Variants in ARHGEF11 observed in about 807,000 individuals in gnomAD.
ARHGEF11 encodes Rho guanine nucleotide exchange factor 11.
In ARHGEF11, 55 loss-of-function variants were observed where a neutral mutation model predicts 193.7. The ratio of observed to expected loss-of-function variants is 0.28; its 90% CI spans 0.23 to 0.36. The LOEUF is 0.36. Ranked by LOEUF, ARHGEF11 falls within the 10% of genes least tolerant of loss-of-function variation. The pLI, the probability that ARHGEF11 is intolerant of heterozygous loss-of-function variation, is 1.00. For missense variants in ARHGEF11, 1,723 were observed against 2,005.6 expected (o/e 0.86, Z 2.69); for synonymous variants, 693 against 768.0 (o/e 0.90, Z 1.62).
intron 1 of ARHGEF11, among the ~76,000 whole-genome samples, chr1:157,024,126 C>T (rs977891817): frequency 2.6e-4 from 39 of 152,254 alleles, no homozygotes; most frequent in Admixed American, 9.8e-4. Context: ...TTGATACATG[C>T]TACACCACAA....
rs369816619 is a variant in ARHGEF11, at chr1:156,956,278, G to C, written c.1671+142C>G. 52 of 831,158 alleles carry C rather than the reference G, an allele frequency of 6.3e-5. No homozygotes were observed. In the African/African-American group the frequency reaches 7.5e-4, roughly 12 times the overall value. The allele number at this position is 831,158 out of a possible 1,614,324, so 51.5% of individuals were successfully genotyped here. A position where few individuals can be genotyped will look rare whatever the true frequency, so the allele number is the denominator to read the frequency against. On this transcript the variant is annotated intron_variant, in intron 19 of 40. Transcript: ENST00000368194. ...GTTATAGGCATGCACCACTATGCTG[G>C]ACTAATTTTTGTATTTTAATAGAGA...
Position 156,948,055 on chromosome 1 carries a change from T to A in ARHGEF11, c.2154-99A>T. The stretch of plus-strand genomic sequence containing the variant: ...GCCCGACCTGCTTGCCCCATGCACA[T>A]GGGAAACCAGTGGGCCCAGAAGAGG... On this transcript the variant is annotated intron_variant, in intron 24 of 40. Transcript: ENST00000368194. This position sits in a 1 kb window ranked among gnomAD's most constrained non-coding sequence, Gnocchi z 4.2. The A allele has an allele frequency of 1.3e-6, 2 of 1,545,072 alleles. No homozygotes were observed. The highest frequency in any genetic ancestry group is 1.2e-5 in the South Asian group (1 of 81,196).
intron 16 of ARHGEF11, 79 bp downstream of exon 16, chr1:156,958,967 A>C (rs1187766404): frequency 3.1e-6 from 5 of 1,605,124 alleles, no homozygotes; most frequent in African/African-American, 2.7e-5. Flanking sequence ...AGATATGTGC[A>C]CGTCCCAGAG....
At chr1:157,039,783 T>C (rs369308925) in intron 1 of ARHGEF11, among the ~76,000 whole-genome samples, 2 of 152,180 alleles carry the variant, frequency 1.3e-5, no homozygotes, top group South Asian at 2.1e-4. Context: ...TCAATATAGA[T>C]TAAAATAACT....
intron 1 of ARHGEF11, among the ~76,000 whole-genome samples, chr1:157,034,418 G>T (rs1671661752): frequency 6.6e-6 from 1 of 152,224 alleles, no homozygotes; most frequent in Non-Finnish European, 1.5e-5. Context: ...GAAATCCCCA[G>T]AACTCTGAGA....
chr1:156,945,971 C>T, intron 29 of ARHGEF11, 74 bp downstream of exon 29: 1 of 1,251,488 alleles, frequency 8.0e-7, no homozygotes, highest in Non-Finnish European at 1.2e-6. Context: ...TTGCTAAGGT[C>T]ACAAAGCAGT....
intron 1 of ARHGEF11, among the ~76,000 whole-genome samples, chr1:157,037,608 T>A (rs1168944915): frequency 6.6e-6 from 1 of 152,230 alleles, no homozygotes; most frequent in African/African-American, 2.4e-5. Flanking sequence ...TACTCTGCCT[T>A]TGACTATTCT....
intron 1 of ARHGEF11, among the ~76,000 whole-genome samples, chr1:157,026,054 T>G (rs1292877127): frequency 6.6e-6 from 1 of 152,166 alleles, no homozygotes. Context: ...CACCAAATAT[T>G]TGATCATCAA....
At position 156,959,076 on chromosome 1, in the gene ARHGEF11, G is replaced by A; in HGVS notation, c.1349C>T (p.Pro450Leu). 3.7e-6 allele frequency: 6 copies of A among 1,614,244 alleles called. No homozygotes were observed. The highest frequency in any genetic ancestry group is 5.1e-6 in the Non-Finnish European group (6 of 1,180,044). The change falls in exon 16 of 41, where the codon CCT (proline) becomes CTT (leucine). Residue 450 changes from proline (P) to leucine (L), a missense_variant. By Grantham distance (98) the Pro-to-Leu change is moderately conservative. Coordinates refer to ENST00000368194, the MANE Select transcript of ARHGEF11 (RefSeq NM_198236.3). The part of the protein sequence containing the change: ...VLCEAQEAAM[P>L]EIQEQIHDYR... ...GTCGTGGATCTGCTCTTGGATCTCA[G>A]GCATGGCTGCCTCTTGAGCTTCACA...
intron 1 of ARHGEF11, among the ~76,000 whole-genome samples, chr1:157,017,872 G>T (rs1206468878): frequency 6.6e-6 from 1 of 152,036 alleles, no homozygotes; most frequent in Non-Finnish European, 1.5e-5. Context: ...AAAACATACA[G>T]ATTGGAATGA....
At chr1:156,938,546 G>C in intron 37 of ARHGEF11, 33 bp from the exon 38 acceptor site, 3 of 1,602,324 alleles carry the variant, frequency 1.9e-6, no homozygotes, top group Non-Finnish European at 2.6e-6. Flanking sequence ...AGGAAGAGGA[G>C]AGACCAAAAC....
chr1:157,042,752 G>A (rs1172389084), intron 1 of ARHGEF11, among the ~76,000 whole-genome samples: 4 of 152,034 alleles, frequency 2.6e-5, no homozygotes, highest in Non-Finnish European at 5.9e-5. Context: ...CTTCTTGCAC[G>A]CCCCCAAAAC....
chr1:157,019,991 G>C (rs1669764454), intron 1 of ARHGEF11, among the ~76,000 whole-genome samples: 1 of 152,088 alleles, frequency 6.6e-6, no homozygotes, highest in African/African-American at 2.4e-5. Context: ...GCCAGGTGTG[G>C]TGGCGGGCGC....
chr1:157,039,026 C>T (rs1168324808), intron 1 of ARHGEF11, among the ~76,000 whole-genome samples: 1 of 152,040 alleles, frequency 6.6e-6, no homozygotes, highest in Non-Finnish European at 1.5e-5. Flanking sequence ...TCCCAAAAAA[C>T]AAAAAACAAA....
intron 15 of ARHGEF11, among the ~76,000 whole-genome samples, chr1:156,959,522 C>T (rs1219013764): frequency 6.6e-6 from 1 of 152,194 alleles, no homozygotes; most frequent in East Asian, 1.9e-4. Flanking sequence ...AAAAGGCAAG[C>T]ACTTCACACT....
rs572541304 is a variant in ARHGEF11, at chr1:156,948,493, C to T, written c.1931G>A (p.Arg644His). 8.7e-6 allele frequency: 14 copies of T among 1,614,168 alleles called. No homozygotes were observed. The highest frequency in any genetic ancestry group is 4.0e-5 in the African/African-American group (3 of 75,046). The change falls in exon 23 of 41, where the codon CGC (arginine) becomes CAC (histidine). Residue 644 changes from arginine (R) to histidine (H), a missense_variant. Arg to His is a conservative substitution (Grantham distance 29). Transcript: ENST00000368194. This position sits in a 1 kb window ranked among gnomAD's most constrained non-coding sequence, Gnocchi z 4.2. Reference sequence around the variant, plus strand: ...AGAGCGGCCCAGGCGAATCTCTGAGCGTGAACTGGGGGGAAGGGACAAAAG... The same window carrying T: ...AGAGCGGCCCAGGCGAATCTCTGAGTGTGAACTGGGGGGAAGGGACAAAAG... ...PEDLLESDSS[R>H]SEIRLGRSES...
intron 31 of ARHGEF11, 101 bp from the exon 32 acceptor site, chr1:156,944,203 G>A: frequency 6.8e-7 from 1 of 1,474,572 alleles, no homozygotes; most frequent in Non-Finnish European, 9.3e-7. Flanking sequence ...GGAAGTCCTG[G>A]GAGTCTGGTG....
At chr1:156,991,722 T>A (rs990980326) in intron 1 of ARHGEF11, among the ~76,000 whole-genome samples, 1 of 84,684 alleles carries the variant, frequency 1.2e-5, no homozygotes, top group African/African-American at 5.0e-5. Flanking sequence ...TTTTTTTTTT[T>A]TTTTTTTTTT....
chr1:156,960,514 A>T, intron 14 of ARHGEF11, 54 bp from the exon 15 acceptor site: 2 of 1,573,734 alleles, frequency 1.3e-6, no homozygotes. Flanking sequence ...CTCCAGGGAG[A>T]TGAGCAGTGT....
Sources: allele counts gnomAD v4.1 joint callset (sites outside exome capture counted in the v4.1 genomes callset), GRCh38; gene constraint gnomAD v4.1.1; non-coding constraint Gnocchi (gnomAD v3.1); transcripts MANE v1.5; gene names NCBI Gene and HGNC (gene_info 2026-07-23, HGNC 2026-07-21).